Variants in KLF7 observed in about 807,000 individuals in gnomAD.
KLF7 encodes the protein KLF transcription factor 7, also known as Krueppel-like factor 7.
KLF7 carries 2 observed loss-of-function variants against 27.3 expected under a neutral mutation model. The observed-to-expected ratio is 0.07, with a 90% CI of 0.03 to 0.23. The LOEUF is 0.23. Ranked by LOEUF, KLF7 falls within the 10% of genes least tolerant of loss-of-function variation. The pLI, the probability that KLF7 is intolerant of heterozygous loss-of-function variation, is 1.00. For synonymous variants in KLF7, 165 were observed against 162.4 expected, an observed-to-expected ratio of 1.02 and a Z score of -0.12; for missense variants, 221 against 394.1, an observed-to-expected ratio of 0.56 and a Z score of 3.72.
intron 1 of KLF7, among the ~76,000 whole-genome samples, chr2:207,144,130 C>G (rs1172089331): frequency 2.0e-5 from 3 of 147,932 alleles, no homozygotes; most frequent in Admixed American, 6.8e-5. Flanking sequence ...CCCATAAAAA[C>G]CCTGGCCCTG....
intron 1 of KLF7, among the ~76,000 whole-genome samples, chr2:207,158,674 T>A (rs2078457544): frequency 6.6e-6 from 1 of 152,214 alleles, no homozygotes; most frequent in Admixed American, 6.5e-5. Flanking sequence ...CAGTGTATAT[T>A]TTCCAATTTA....
At chr2:207,151,526 G>A (rs965357952) in intron 1 of KLF7, among the ~76,000 whole-genome samples, 6 of 152,082 alleles carry the variant, frequency 3.9e-5, no homozygotes, top group South Asian at 2.1e-4. Flanking sequence ...AAAGGCAGGC[G>A]CATCTTGGGT....
At chr2:207,153,990 T>C (rs141529501) in intron 1 of KLF7, among the ~76,000 whole-genome samples, 229 of 152,316 alleles carry the variant, frequency 1.5e-3, no homozygotes, top group African/African-American at 5.2e-3. Context: ...TATAGCAGCA[T>C]ATGCATGATT....
intron 1 of KLF7, among the ~76,000 whole-genome samples, chr2:207,160,077 G>A (rs767119098): frequency 6.6e-6 from 1 of 152,202 alleles, no homozygotes; most frequent in Non-Finnish European, 1.5e-5. Context: ...AGTATACAGA[G>A]AGGAGTGTTT....
chr2:207,123,141 G>A (rs943054854), intron 2 of KLF7, among the ~76,000 whole-genome samples: 6 of 151,266 alleles, frequency 4.0e-5, no homozygotes, highest in Non-Finnish European at 8.8e-5. Context: ...ACCCGCTCTT[G>A]CCACACACAT....
intron 1 of KLF7, among the ~76,000 whole-genome samples, chr2:207,156,310 G>A (rs1414698624): frequency 9.9e-5 from 15 of 152,200 alleles, no homozygotes; most frequent in African/African-American, 3.1e-4. Context: ...CCTCCTTGCC[G>A]GAATGTCCTC....
rs2076196100 is a variant in KLF7, at chr2:207,077,508, G to A, written c.*3705C>T. ...AGAGGAGATGGCGTCGAGAGAAGAG[G>A]ATATTTGAAGGGCTTTGCAAGGGAA... is the stretch of plus-strand genomic sequence containing the variant. On this transcript the variant is annotated 3_prime_UTR_variant, in exon 4 of 4. Coordinates refer to ENST00000309446, the MANE Select transcript of KLF7 (RefSeq NM_003709.4). The A allele has an allele frequency of 6.6e-6, 1 of 152,228 alleles. No homozygotes were observed. Among genetic ancestry groups the A allele is most frequent in the African/African-American group, 2.4e-5 (1 of 41,448 alleles). 9.4% of individuals were successfully genotyped at this position (152,228 alleles called of 1,614,324 possible).
chr2:207,087,234 T>G (rs2076410745), intron 3 of KLF7, among the ~76,000 whole-genome samples: 1 of 152,114 alleles, frequency 6.6e-6, no homozygotes, highest in Non-Finnish European at 1.5e-5. Flanking sequence ...GGAGGTTATC[T>G]CTGGGCTCCA....
At chr2:207,149,329 G>T in intron 1 of KLF7, 1 of 347,068 alleles carries the variant, frequency 2.9e-6, no homozygotes, top group Non-Finnish European at 5.5e-6. Flanking sequence ...TCACTGCTGA[G>T]GTTCAGCAGG....
intron 1 of KLF7, among the ~76,000 whole-genome samples, chr2:207,130,006 T>G (rs1290533805): frequency 1.3e-5 from 2 of 152,234 alleles, no homozygotes; most frequent in Non-Finnish European, 2.9e-5. Context: ...ATGGGCATGG[T>G]GCCAAGGTTA....
intron 1 of KLF7, among the ~76,000 whole-genome samples, chr2:207,140,959 C>G (rs1437175595): frequency 6.6e-6 from 1 of 152,166 alleles, no homozygotes; most frequent in Non-Finnish European, 1.5e-5. Context: ...AGAACACAGA[C>G]AAAAGTCAGG....
At position 207,078,016 on chromosome 2, in the gene KLF7, T is replaced by C. The variant is rs1417232819; in HGVS notation, c.*3197A>G. On this transcript the variant is annotated 3_prime_UTR_variant, in exon 4 of 4. Transcript: ENST00000309446. ...GCACTGTTTTAAATAACCAGTCCTC[T>C]TGGGAGCAAAATGTCTTCAGGTTAC... 6.6e-6 allele frequency: 1 copy of C among 152,238 alleles called. No homozygotes were observed. Among genetic ancestry groups the C allele is most frequent in the Non-Finnish European group, 1.5e-5 (1 of 68,040 alleles). 9.4% of individuals were successfully genotyped at this position (152,238 alleles called of 1,614,324 possible).
At chr2:207,167,969 A>C (rs2078754913), upstream of KLF7, among the ~76,000 whole-genome samples, 1 of 152,188 alleles carries the variant, frequency 6.6e-6, no homozygotes, top group Non-Finnish European at 1.5e-5. Flanking sequence ...AATCTTGGAG[A>C]TAGAGGAAAG....
rs1472809252 is a variant in KLF7 at position 207,152,307 on chromosome 2, A to G, written c.102+13160T>C. 4.3e-5 allele frequency among the ~76,000 whole-genome samples: 5 copies of G among 115,124 alleles called. No individual in the cohort carries two copies. In the South Asian group the frequency reaches 8.8e-4, roughly 20 times the overall value. The allele number at this position is 115,124 out of a possible 152,430, so 75.5% of individuals were successfully genotyped here. A position where few individuals can be genotyped will look rare whatever the true frequency, so the allele number is the denominator to read the frequency against. Reference sequence around the variant, plus strand: ...CACACACACACACACACACACACACACACGGAGTTTTTACTACAACTGACC... The same window carrying G: ...CACACACACACACACACACACACACGCACGGAGTTTTTACTACAACTGACC... On this transcript the variant is annotated intron_variant, in intron 1 of 3. Transcript: ENST00000309446.
At chr2:207,151,082 G>A (rs1337625569) in intron 1 of KLF7, among the ~76,000 whole-genome samples, 1 of 150,892 alleles carries the variant, frequency 6.6e-6, no homozygotes, top group African/African-American at 2.4e-5. Flanking sequence ...AAGCCTTAGA[G>A]AGGCGTTAAA....
At chr2:207,102,606 A>C (rs1213579850) in intron 2 of KLF7, among the ~76,000 whole-genome samples, 1 of 152,236 alleles carries the variant, frequency 6.6e-6, no homozygotes, top group Non-Finnish European at 1.5e-5. Flanking sequence ...AATATGCCAC[A>C]AACTACAATG....
chr2:207,078,565 C>T lies in KLF7; in HGVS notation c.*2648G>A, dbSNP rs1173307214. 1.3e-5 allele frequency: 2 copies of T among 152,244 alleles called. No homozygotes were observed. The highest frequency in any genetic ancestry group is 2.9e-5 in the Non-Finnish European group (2 of 68,052). The allele number at this position is 152,244 out of a possible 1,614,324, so 9.4% of individuals were successfully genotyped here. On this transcript the variant is annotated 3_prime_UTR_variant, in exon 4 of 4. Transcript: ENST00000309446. ...AATAGCATTCGAGAGGCAAGAGCAG[C>T]TCCAGCTTGGGAGAGAACATTTGCA... is the stretch of plus-strand genomic sequence containing the variant.
intron 1 of KLF7, among the ~76,000 whole-genome samples, chr2:207,143,039 A>G (rs1215850668): frequency 6.6e-6 from 1 of 152,240 alleles, no homozygotes; most frequent in African/African-American, 2.4e-5. Flanking sequence ...CCTAAATGTC[A>G]AAGAAATCAT....
At chr2:207,127,796 T>C (rs563741174) in intron 1 of KLF7, among the ~76,000 whole-genome samples, 11 of 152,140 alleles carry the variant, frequency 7.2e-5, no homozygotes, top group Admixed American at 1.3e-4. Context: ...TGAGCCAAGA[T>C]TGCACCACTG....
Sources: allele counts gnomAD v4.1 joint callset (sites outside exome capture counted in the v4.1 genomes callset), GRCh38; gene constraint gnomAD v4.1.1; transcripts MANE v1.5; gene names NCBI Gene and HGNC (gene_info 2026-07-23, HGNC 2026-07-21).